The following MMAA variants were observed in gnomAD, a reference collection of about 807,000 sequenced individuals.
The protein encoded by MMAA is methylmalonic aciduria type A protein, mitochondrial.
Under a neutral mutation model 45.0 loss-of-function variants are expected in MMAA, and 41 were observed. The ratio of observed to expected loss-of-function variants is 0.91; its 90% CI spans 0.71 to 1.18. The LOEUF (loss-of-function observed/expected upper bound fraction) is 1.18, where lower values mean the gene tolerates loss of function less well. Among genes scored for constraint, MMAA ranks in the 50% most tolerant of loss-of-function variants. The pLI is 0.00. For synonymous variants in MMAA, 154 were observed against 178.2 expected (o/e 0.86, Z 1.08); for missense variants, 460 against 495.7 (o/e 0.93, Z 0.68).
intron 1 of MMAA, among the ~76,000 whole-genome samples, chr4:145,634,308 C>T (rs1306993701): frequency 6.6e-6 from 1 of 152,184 alleles, no homozygotes; most frequent in East Asian, 1.9e-4. Context: ...CCTCCCTTTT[C>T]CAAAGGCAGA....
rs1728320797 is a variant in MMAA at position 145,659,112 on chromosome 4, A to G, written c.*3678A>G. The G allele has an allele frequency of 3.9e-5, 6 of 152,226 alleles. No homozygotes were observed. In the South Asian group the frequency reaches 1.2e-3, roughly 32 times the overall value. 9.4% of individuals were successfully genotyped at this position (152,226 alleles called of 1,614,324 possible). ...ATGTCAAAACTTTCCTTTAAAAGGA[A>G]CAATCAGAAAAACTCTTTAACAAAT... On this transcript the variant is annotated 3_prime_UTR_variant, in exon 7 of 7. Coordinates refer to ENST00000649156, the MANE Select transcript of MMAA (RefSeq NM_172250.3).
At chr4:145,637,567 C>T (rs1485536111) in intron 1 of MMAA, among the ~76,000 whole-genome samples, 1 of 151,666 alleles carries the variant, frequency 6.6e-6, no homozygotes, top group Non-Finnish European at 1.5e-5. Flanking sequence ...TGTTAAGAAG[C>T]TAAAATTAAT....
Position 145,619,417 on chromosome 4 carries a change from G to A in MMAA, c.-66+10G>A, listed in dbSNP as rs546775043. On this transcript the variant is annotated intron_variant, in intron 1 of 6. Coordinates refer to ENST00000649156, the MANE Select transcript of MMAA (RefSeq NM_172250.3). ...CCGTGGCTTCGGGCGGGTGAGTATGGGGAGTGCGCGCGGCGTCCAGGAGTC... is the reference window on the plus strand; with the variant it reads ...CCGTGGCTTCGGGCGGGTGAGTATGAGGAGTGCGCGCGGCGTCCAGGAGTC... 1 of 152,416 alleles carries A rather than the reference G, an allele frequency of 6.6e-6. No individual in the cohort carries two copies. The highest frequency in any genetic ancestry group is 1.5e-5 in the Non-Finnish European group (1 of 68,086). 9.4% of individuals were successfully genotyped at this position (152,416 alleles called of 1,614,324 possible). A position where few individuals can be genotyped will look rare whatever the true frequency, so the allele number is the denominator to read the frequency against.
intron 1 of MMAA, among the ~76,000 whole-genome samples, chr4:145,620,807 AG>A (rs148197870): frequency 0.11 from 17,034 of 152,218 alleles, 1,059 homozygotes; most frequent in Middle Eastern, 0.14. Context: ...GATATCATAG[AG>A]GGGGAAGGAT....
At chr4:145,653,418 A>G (rs1207148828) in intron 5 of MMAA, among the ~76,000 whole-genome samples, 1 of 152,178 alleles carries the variant, frequency 6.6e-6, no homozygotes, top group Non-Finnish European at 1.5e-5. Flanking sequence ...AATTTGAATT[A>G]AGAGATTGAG....
At chr4:145,644,902 C>T (rs922197653) in intron 3 of MMAA, among the ~76,000 whole-genome samples, 1 of 152,208 alleles carries the variant, frequency 6.6e-6, no homozygotes, top group Non-Finnish European at 1.5e-5. Flanking sequence ...CACCCTACCC[C>T]TCACTTGTGA....
chr4:145,652,671 A>C (rs1421591084), intron 5 of MMAA, among the ~76,000 whole-genome samples: 1 of 151,886 alleles, frequency 6.6e-6, no homozygotes, highest in Non-Finnish European at 1.5e-5. Flanking sequence ...CAGAGTTTGC[A>C]GTGAGCCAAG....
chr4:145,640,362 C>CAAGTGA (rs1727749608), intron 2 of MMAA, among the ~76,000 whole-genome samples: 1 of 152,128 alleles, frequency 6.6e-6, no homozygotes, highest in African/African-American at 2.4e-5. Flanking sequence ...ATCCACCCGT[C>CAAGTGA]TTGGCCTCCC....
At position 145,658,588 on chromosome 4, in the gene MMAA, TG is replaced by T. The variant is rs1728299001; in HGVS notation, c.*3156del. 1 of 151,864 alleles carries T rather than the reference TG, an allele frequency of 6.6e-6. No individual in the cohort carries two copies. The highest frequency in any genetic ancestry group is 2.4e-5 in the African/African-American group (1 of 41,314). The allele number at this position is 151,864 out of a possible 1,614,324, so 9.4% of individuals were successfully genotyped here. A position where few individuals can be genotyped will look rare whatever the true frequency, so the allele number is the denominator to read the frequency against. On this transcript the variant is annotated 3_prime_UTR_variant, in exon 7 of 7. Transcript: ENST00000649156. ...TTCTCTTCAGAATCACTCGATCATA[TG>T]GCCATTTCCCTAAGCTTTTATAGCT...
intron 1 of MMAA, among the ~76,000 whole-genome samples, chr4:145,632,290 T>A (rs1435642712): frequency 6.6e-6 from 1 of 152,240 alleles, no homozygotes; most frequent in Non-Finnish European, 1.5e-5. Flanking sequence ...GTACATTTGT[T>A]TTTTTCCCTT....
At chr4:145,644,775 A>G (rs1446741086) in intron 3 of MMAA, among the ~76,000 whole-genome samples, 1 of 152,198 alleles carries the variant, frequency 6.6e-6, no homozygotes, top group African/African-American at 2.4e-5. Context: ...TGGTTTCTCA[A>G]GTTTGGCGGT....
intron 1 of MMAA, chr4:145,625,012 AT>A: frequency 1.1e-6 from 1 of 929,948 alleles, no homozygotes. Flanking sequence ...AATCATTCAT[AT>A]TATAGGACTG....
intron 2 of MMAA, among the ~76,000 whole-genome samples, chr4:145,641,235 C>T (rs535720424): frequency 1.2e-4 from 19 of 152,280 alleles, no homozygotes; most frequent in African/African-American, 4.6e-4. Context: ...TGCCTACTTA[C>T]TAAGATTTTA....
Position 145,657,468 on chromosome 4 carries a change from A to T in MMAA, c.*2034A>T, listed in dbSNP as rs983074034. The T allele has an allele frequency of 6.6e-6, 1 of 152,062 alleles. No individual in the cohort carries two copies. Among genetic ancestry groups the T allele is most frequent in the African/African-American group, 2.4e-5 (1 of 41,398 alleles). 9.4% of individuals were successfully genotyped at this position (152,062 alleles called of 1,614,324 possible). A position where few individuals can be genotyped will look rare whatever the true frequency, so the allele number is the denominator to read the frequency against. On this transcript the variant is annotated 3_prime_UTR_variant, in exon 7 of 7. Transcript: ENST00000649156. ...GACTTGGTCAAAAGCATAGGTTTTGACTTAGATACATGTGGGGGCAGATCT... is the reference window on the plus strand; with the variant it reads ...GACTTGGTCAAAAGCATAGGTTTTGTCTTAGATACATGTGGGGGCAGATCT...
At chr4:145,631,443 G>C (rs1010613693) in intron 1 of MMAA, among the ~76,000 whole-genome samples, 1 of 151,926 alleles carries the variant, frequency 6.6e-6, no homozygotes, top group Admixed American at 6.6e-5. Flanking sequence ...AAATCTATTT[G>C]TCTGATACAA....
intron 3 of MMAA, among the ~76,000 whole-genome samples, chr4:145,645,086 C>T (rs1727887643): frequency 6.6e-6 from 1 of 152,062 alleles, no homozygotes; most frequent in Non-Finnish European, 1.5e-5. Context: ...AAGTAGTAGG[C>T]GATTAGAAGC....
chr4:145,651,629 C>T (rs1728092403), intron 5 of MMAA, among the ~76,000 whole-genome samples: 1 of 152,220 alleles, frequency 6.6e-6, no homozygotes, highest in Admixed American at 6.5e-5. Context: ...ACACTACTAG[C>T]TGCAAGCTCC....
chr4:145,633,187 T>A (rs1727502678), intron 1 of MMAA, among the ~76,000 whole-genome samples: 1 of 142,964 alleles, frequency 7.0e-6, no homozygotes, highest in Non-Finnish European at 1.5e-5. Flanking sequence ...GTATCTTGAA[T>A]TTCTTTTTCT....
At chr4:145,653,963 G>C (rs770176887) in intron 5 of MMAA, 31 bp from the exon 6 acceptor site, 31 of 1,612,112 alleles carry the variant, frequency 1.9e-5, no homozygotes, top group Non-Finnish European at 2.4e-5. Context: ...TTTTTATGTT[G>C]GTTGTCATTA....
Sources: gnomAD v4.1 joint callset for allele counts (sites outside exome capture counted in the v4.1 genomes callset) on GRCh38, gnomAD v4.1.1 for gene constraint, MANE v1.5 for transcripts, NCBI Gene and HGNC (gene_info 2026-07-23, HGNC 2026-07-21) for gene names.